The following PTPRM variants were observed in gnomAD, a reference collection of about 807,000 sequenced individuals.
PTPRM encodes receptor-type tyrosine-protein phosphatase mu.
Under a neutral mutation model 186.7 loss-of-function variants are expected in PTPRM, and 47 were observed. The observed-to-expected ratio is 0.25, with a 90% CI of 0.20 to 0.32. PTPRM has a LOEUF of 0.32. PTPRM is among the 10% of genes least tolerant of loss of function. The pLI is 1.00. For synonymous variants in PTPRM, 668 were observed against 674.9 expected (o/e 0.99, Z 0.16); for missense variants, 1,494 against 1,865.0 (o/e 0.80, Z 3.66).
At chr18:7,761,409 C>A (rs2041765697) in intron 1 of PTPRM, among the ~76,000 whole-genome samples, 1 of 152,202 alleles carries the variant, frequency 6.6e-6, no homozygotes, top group Non-Finnish European at 1.5e-5. Flanking sequence ...GACACACTGA[C>A]TGAGGAGCTG....
At chr18:8,029,521 C>T (rs1230548065) in intron 7 of PTPRM, among the ~76,000 whole-genome samples, 1 of 152,172 alleles carries the variant, frequency 6.6e-6, no homozygotes, top group Non-Finnish European at 1.5e-5. Context: ...TGGAGTGTCA[C>T]CTCTTTTGGG....
chr18:7,769,927 C>T (rs944822249), intron 1 of PTPRM, among the ~76,000 whole-genome samples: 4 of 152,102 alleles, frequency 2.6e-5, no homozygotes, highest in African/African-American at 9.7e-5. Flanking sequence ...ATGAGTGATG[C>T]CAACACCACC....
intron 1 of PTPRM, among the ~76,000 whole-genome samples, chr18:7,706,198 C>T (rs929325108): frequency 6.6e-5 from 10 of 151,630 alleles, no homozygotes; most frequent in African/African-American, 2.4e-4. Context: ...TCATTTGTTA[C>T]ACGCATGAGA....
chr18:7,799,412 A>C (rs534323209), intron 2 of PTPRM, among the ~76,000 whole-genome samples: 1 of 152,314 alleles, frequency 6.6e-6, no homozygotes, highest in South Asian at 2.1e-4. Context: ...CATAGCCAAT[A>C]CTACTGGCAT....
At chr18:8,387,825 G>A (rs2446501) in intron 31 of PTPRM, among the ~76,000 whole-genome samples, 102,907 of 151,822 alleles carry the variant, frequency 0.68, 34,946 homozygotes, top group Middle Eastern at 0.75. Flanking sequence ...GTTACAGCCA[G>A]TGTCCCCAGA....
rs150403758 is a variant in PTPRM at position 7,774,233 on chromosome 18, C to T, written c.158C>T (p.Thr53Ile). The change falls in exon 2 of 33, where the codon ACC (threonine) becomes ATC (isoleucine). Residue 53 changes from threonine to isoleucine, a missense_variant. Transcript: ENST00000580170. The part of the protein sequence containing the change: ...GDDFNWEQVN[T>I]LTKPTSDPWM... ...GACTTCAATTGGGAGCAAGTGAACA[C>T]CTTGACTAAACCGACTTCTGATCCA... 2 of 1,614,054 alleles carry T rather than the reference C, an allele frequency of 1.2e-6. No individual in the cohort carries two copies. Among genetic ancestry groups the T allele is most frequent in the Non-Finnish European group, 8.5e-7 (1 of 1,179,968 alleles).
At chr18:8,186,641 A>G (rs1361233047) in intron 14 of PTPRM, among the ~76,000 whole-genome samples, 1 of 152,136 alleles carries the variant, frequency 6.6e-6, no homozygotes, top group African/African-American at 2.4e-5. Context: ...TTTTCCACAT[A>G]GCACTAAGAT....
chr18:7,612,237 A>T (rs1007436090), intron 1 of PTPRM, among the ~76,000 whole-genome samples: 2 of 152,034 alleles, frequency 1.3e-5, no homozygotes, highest in East Asian at 3.9e-4. Context: ...GTTATGCTAC[A>T]GTTTACTTTT....
At chr18:8,386,950 A>C (rs998600570) in intron 30 of PTPRM, 122 bp from the exon 31 acceptor site, 5 of 1,050,592 alleles carry the variant, frequency 4.8e-6, no homozygotes, top group Non-Finnish European at 6.9e-6. Context: ...CACGTTGGTA[A>C]TTTGTAGGCA....
chr18:8,271,977 C>T (rs758280885), intron 19 of PTPRM, among the ~76,000 whole-genome samples: 5 of 151,854 alleles, frequency 3.3e-5, no homozygotes, highest in Non-Finnish European at 5.9e-5. Context: ...TCTGGGAGGC[C>T]GAGGCAGGCG....
intron 1 of PTPRM, among the ~76,000 whole-genome samples, chr18:7,667,500 A>G (rs2039122843): frequency 6.6e-6 from 1 of 152,246 alleles, no homozygotes; most frequent in Non-Finnish European, 1.5e-5. Flanking sequence ...AGGTTATTTG[A>G]TAACTGTGAA....
intron 7 of PTPRM, among the ~76,000 whole-genome samples, chr18:8,057,425 C>CTTTTTTTTTTTTTTTTTTTTTTTGCTTT (rs763829289): frequency 2.9e-5 from 3 of 102,532 alleles, no homozygotes; most frequent in African/African-American, 4.3e-5. Flanking sequence ...TGTGATACTT[C>CTTTTTTTTTTTTTTTTTTTTTTTGCTTT]TTTTTTTTTT....
intron 32 of PTPRM, among the ~76,000 whole-genome samples, chr18:8,400,283 T>G (rs1334822500): frequency 6.6e-6 from 1 of 152,208 alleles, no homozygotes; most frequent in Non-Finnish European, 1.5e-5. Context: ...CTGATTCGAT[T>G]GGTCAGGGGC....
chr18:8,139,293 AT>A lies in PTPRM; in HGVS notation c.2168-4353del, dbSNP rs75169145. On this transcript the variant is annotated intron_variant, in intron 13 of 32. Coordinates refer to ENST00000580170, the MANE Select transcript of PTPRM (RefSeq NM_001105244.2). The stretch of plus-strand genomic sequence containing the variant: ...TCCTAACACACTCGACATCCAGTTC[AT>A]CGGCAAAACTGATGGCTGGACTGTC... Among the ~76,000 whole-genome samples, 113 of 152,238 alleles carry A rather than the reference AT, an allele frequency of 7.4e-4. 1 individual carries two copies. In the East Asian group the frequency reaches 0.019, roughly 25 times the overall value.
intron 1 of PTPRM, among the ~76,000 whole-genome samples, chr18:7,644,374 T>A (rs762374497): frequency 1.1e-4 from 17 of 152,174 alleles, no homozygotes; most frequent in Non-Finnish European, 2.1e-4. Context: ...CTCTATTACC[T>A]CTGTAGAACA....
At chr18:7,716,129 A>G (rs951854174) in intron 1 of PTPRM, among the ~76,000 whole-genome samples, 1 of 152,198 alleles carries the variant, frequency 6.6e-6, no homozygotes, top group Non-Finnish European at 1.5e-5. Context: ...GTCTACAGTA[A>G]CCAAAACAGC....
intron 23 of PTPRM, among the ~76,000 whole-genome samples, chr18:8,363,452 TATATC>T (rs763180677): frequency 2.4e-4 from 37 of 152,180 alleles, no homozygotes; most frequent in Non-Finnish European, 4.7e-4. Flanking sequence ...TCTCAACAGA[TATATC>T]ATGTACCACT....
chr18:7,691,104 GTTTTGA>G (rs1568032198), intron 1 of PTPRM, among the ~76,000 whole-genome samples: 1 of 151,928 alleles, frequency 6.6e-6, no homozygotes, highest in Non-Finnish European at 1.5e-5. Context: ...TTCAGTAAAT[GTTTTGA>G]TTTTATTTTT....
intron 7 of PTPRM, among the ~76,000 whole-genome samples, chr18:8,050,667 T>C (rs2087425783): frequency 6.6e-6 from 1 of 152,208 alleles, no homozygotes; most frequent in Non-Finnish European, 1.5e-5. Context: ...AGTGTATCTT[T>C]TTATCATGAA....
Sources: gnomAD v4.1 joint callset for allele counts (sites outside exome capture counted in the v4.1 genomes callset) on GRCh38, gnomAD v4.1.1 for gene constraint, MANE v1.5 for transcripts, NCBI Gene and HGNC (gene_info 2026-07-23, HGNC 2026-07-21) for gene names.